EIF4E: variants seen among roughly 807,000 people sequenced by gnomAD.
EIF4E encodes the protein eIF-4F 25 kDa subunit.
For synonymous variants in EIF4E, 71 were observed against 88.5 expected, an observed-to-expected ratio of 0.80 and a Z score of 1.11; for missense variants, 113 against 265.6, an observed-to-expected ratio of 0.43 and a Z score of 3.99.
intron 1 of EIF4E, among the ~76,000 whole-genome samples, chr4:98,908,714 C>T (rs1448689955): frequency 6.6e-6 from 1 of 152,186 alleles, no homozygotes; most frequent in Admixed American, 6.5e-5. Flanking sequence ...CCATGTGCTA[C>T]ATTATTTTCA....
Position 98,884,902 on chromosome 4 carries a change from A to G in EIF4E, c.539+20T>C, listed in dbSNP as rs1723851646. 1 of 1,611,596 alleles carries G rather than the reference A, an allele frequency of 6.2e-7. No homozygotes were observed. Among genetic ancestry groups the G allele is most frequent in the Non-Finnish European group, 8.5e-7 (1 of 1,179,528 alleles). On this transcript the variant is annotated intron_variant, in intron 6 of 6. Transcript: ENST00000450253. ...CTCATCTTAATACTGTAAAATAAGT[A>G]GGCAAAGAGCAAAACTTACCCTATA...
intron 6 of EIF4E, among the ~76,000 whole-genome samples, chr4:98,884,313 T>A (rs1423636126): frequency 5.9e-5 from 9 of 152,190 alleles, no homozygotes; most frequent in Non-Finnish European, 1.0e-4. Flanking sequence ...TACATTCTCA[T>A]TTGTGAATGA....
chr4:98,879,834 T>C lies in EIF4E; in HGVS notation c.*1194A>G, dbSNP rs1436961693. On this transcript the variant is annotated 3_prime_UTR_variant, in exon 7 of 7. Coordinates refer to ENST00000450253, the MANE Select transcript of EIF4E (RefSeq NM_001968.5). ...AAGACTGAATGACTGTGCCTTACTTTATAAAAAAACAAAGATAGCCACATC... is the reference window on the plus strand; with the variant it reads ...AAGACTGAATGACTGTGCCTTACTTCATAAAAAAACAAAGATAGCCACATC... 1 of 152,178 alleles carries C rather than the reference T, an allele frequency of 6.6e-6. No homozygotes were observed. Among genetic ancestry groups the C allele is most frequent in the Non-Finnish European group, 1.5e-5 (1 of 68,002 alleles). The allele number at this position is 152,178 out of a possible 1,614,324, so 9.4% of individuals were successfully genotyped here. A position where few individuals can be genotyped will look rare whatever the true frequency, so the allele number is the denominator to read the frequency against.
At chr4:98,885,388 T>C (rs1723870894) in intron 5 of EIF4E, among the ~76,000 whole-genome samples, 1 of 152,226 alleles carries the variant, frequency 6.6e-6, no homozygotes, top group Admixed American at 6.5e-5. Flanking sequence ...AAAATAGCTA[T>C]TCATGGTTAA....
chr4:98,919,230 G>A (rs1336710633), intron 1 of EIF4E, among the ~76,000 whole-genome samples: 2 of 151,690 alleles, frequency 1.3e-5, no homozygotes, highest in Non-Finnish European at 2.9e-5. Flanking sequence ...ACCTGAACCC[G>A]GGAGGTGGAT....
intron 1 of EIF4E, among the ~76,000 whole-genome samples, chr4:98,902,194 C>T (rs1724683768): frequency 6.6e-6 from 1 of 152,162 alleles, no homozygotes; most frequent in Admixed American, 6.5e-5. Flanking sequence ...GCCTCAGCCT[C>T]CTAAGTAGCT....
At chr4:98,912,026 G>A (rs1437178410) in intron 1 of EIF4E, among the ~76,000 whole-genome samples, 5 of 151,928 alleles carry the variant, frequency 3.3e-5, no homozygotes, top group East Asian at 1.9e-4. Context: ...AGGTCGAGGC[G>A]GGCGGATCAC....
At chr4:98,883,024 G>A (rs1271959041) in intron 6 of EIF4E, among the ~76,000 whole-genome samples, 2 of 152,104 alleles carry the variant, frequency 1.3e-5, no homozygotes, top group Admixed American at 1.3e-4. Flanking sequence ...AATGGATCAC[G>A]CCTGAAATCC....
rs1723579902 is a variant in EIF4E at position 98,879,378 on chromosome 4, AAAT to A, written c.*1647_*1649del. ...CATTCAAAGACAAATTTTCCTCTCA[AAAT>A]AATAATTTCCATTCTGCTACCTACA... is the stretch of plus-strand genomic sequence containing the variant. On this transcript the variant is annotated 3_prime_UTR_variant, in exon 7 of 7. Transcript: ENST00000450253. 6.6e-6 allele frequency: 1 copy of A among 152,110 alleles called. No individual in the cohort carries two copies. The highest frequency in any genetic ancestry group is 1.5e-5 in the Non-Finnish European group (1 of 67,990). The allele number at this position is 152,110 out of a possible 1,614,324, so 9.4% of individuals were successfully genotyped here.
At chr4:98,928,916 C>T (rs1367763673) in intron 1 of EIF4E, 179 bp downstream of exon 1, 2 of 1,567,710 alleles carry the variant, frequency 1.3e-6, no homozygotes, top group South Asian at 1.2e-5. Flanking sequence ...CGCTACACGC[C>T]GCCTCGGCCA....
At chr4:98,914,361 C>CAAAAAAAAAA (rs1159581783) in intron 1 of EIF4E, among the ~76,000 whole-genome samples, 3 of 34,830 alleles carry the variant, frequency 8.6e-5, no homozygotes, top group African/African-American at 2.1e-4. Flanking sequence ...GACTCCGTCT[C>CAAAAAAAAAA]AAAAAAAAAA....
chr4:98,886,732 TAAAAGTTTA>T (rs1307181245), intron 5 of EIF4E: 1 of 342,806 alleles, frequency 2.9e-6, no homozygotes, highest in Non-Finnish European at 5.7e-6. Context: ...TATAAGTATT[TAAAAGTTTA>T]GTATACATAT....
At chr4:98,886,026 A>C (rs1435904229) in intron 5 of EIF4E, among the ~76,000 whole-genome samples, 2 of 152,096 alleles carry the variant, frequency 1.3e-5, no homozygotes. Context: ...GCTGGCATGC[A>C]CCTGTAGTCC....
At chr4:98,905,393 G>A (rs774860246) in intron 1 of EIF4E, among the ~76,000 whole-genome samples, 1 of 152,140 alleles carries the variant, frequency 6.6e-6, no homozygotes, top group African/African-American at 2.4e-5. Context: ...AAAAAGCATC[G>A]TGTAACGAAT....
chr4:98,881,856 G>GT (rs1723704958), intron 6 of EIF4E, among the ~76,000 whole-genome samples: 1 of 152,164 alleles, frequency 6.6e-6, no homozygotes. Context: ...GTGCCAAAGA[G>GT]TAAACATAAG....
At chr4:98,888,677 T>C (rs77136200) in intron 3 of EIF4E, among the ~76,000 whole-genome samples, 3,523 of 152,250 alleles carry the variant, frequency 0.023, 122 homozygotes, top group African/African-American at 0.081. Context: ...GCTTAGATCA[T>C]TTGATCTCCT....
At chr4:98,888,020 T>C (rs542532238) in intron 3 of EIF4E, 68 bp from the exon 4 acceptor site, 6 of 1,269,604 alleles carry the variant, frequency 4.7e-6, no homozygotes, top group Non-Finnish European at 6.8e-6. Flanking sequence ...CTTACATATA[T>C]ATACATTTAG....
chr4:98,883,430 GCT>G (rs1444093682), intron 6 of EIF4E, among the ~76,000 whole-genome samples: 1 of 111,062 alleles, frequency 9.0e-6, no homozygotes, highest in Non-Finnish European at 1.7e-5. Flanking sequence ...AGACAGTCTC[GCT>G]CTGTCTCCCA....
Position 98,880,852 on chromosome 4 carries a change from A to AAAT in EIF4E, c.*175_*176insATT. ...ACTCTAGCCAAAAAAAAAAAAAAAA[A>AAAT]TGAACACAGAAGTACAAGACAAAGG... On this transcript the variant is annotated 3_prime_UTR_variant, in exon 7 of 7. Transcript: ENST00000450253. The AAAT allele has an allele frequency of 2.0e-6, 2 of 976,908 alleles. No individual in the cohort carries two copies. Among genetic ancestry groups the AAAT allele is most frequent in the Non-Finnish European group, 2.9e-6 (2 of 697,704 alleles). 60.5% of individuals were successfully genotyped at this position (976,908 alleles called of 1,614,324 possible).
Sources: gnomAD v4.1 joint callset for allele counts (sites outside exome capture counted in the v4.1 genomes callset) on GRCh38, gnomAD v4.1.1 for gene constraint, MANE v1.5 for transcripts, NCBI Gene and HGNC (gene_info 2026-07-23, HGNC 2026-07-21) for gene names.